Variants in COL4A6 observed in about 807,000 individuals in gnomAD.
COL4A6 encodes the protein collagen alpha-6(IV) chain.
A neutral mutation model predicts 126.7 loss-of-function variants in COL4A6; 59 were observed. The observed-to-expected ratio is 0.47, with a 90% CI of 0.38 to 0.58. The LOEUF is 0.58. Ranked by LOEUF, COL4A6 falls within the 20% of genes least tolerant of loss-of-function variation. The pLI, the probability that COL4A6 is intolerant of heterozygous loss-of-function variation, is 0.00. For missense variants in COL4A6, 1,285 were observed against 1,337.3 expected (o/e 0.96, Z 0.61); for synonymous variants, 547 against 496.6 (o/e 1.10, Z -1.35).
intron 5 of COL4A6, among the ~76,000 whole-genome samples, chrX:108,216,232 G>A (rs943483050): frequency 4.5e-5 from 5 of 111,833 alleles, no homozygotes; most frequent in Admixed American, 9.5e-5. Context: ...GAATTCTCTG[G>A]AAATAAATCT....
At chrX:108,371,571 C>G (rs1399461317) in intron 2 of COL4A6, among the ~76,000 whole-genome samples, 4 of 83,393 alleles carry the variant, frequency 4.8e-5, no homozygotes, top group Admixed American at 1.4e-4. Context: ...TACTCTGTCT[C>G]TATAAAAAAA....
At chrX:108,377,485 CATAA>C (rs1292966506) in intron 2 of COL4A6, among the ~76,000 whole-genome samples, 3 of 107,909 alleles carry the variant, frequency 2.8e-5, no homozygotes, top group African/African-American at 1.0e-4. Context: ...TCTCCAATAA[CATAA>C]ATAATCTTCT....
intron 6 of COL4A6, chrX:108,213,899 C>T (rs2035782395): frequency 2.7e-6 from 1 of 375,791 alleles, no homozygotes; most frequent in African/African-American, 2.7e-5. Context: ...AAAAGGCAAC[C>T]CTAAGCAGTG....
At chrX:108,433,997 G>C (rs1200454406) in intron 2 of COL4A6, among the ~76,000 whole-genome samples, 1 of 111,607 alleles carries the variant, frequency 9.0e-6, no homozygotes, top group African/African-American at 3.3e-5. Context: ...ATTAATAATT[G>C]AGGTCAATCA....
chrX:108,178,264 C>A (rs759877939), intron 27 of COL4A6, among the ~76,000 whole-genome samples: 23 of 112,398 alleles, frequency 2.0e-4, no homozygotes, highest in Non-Finnish European at 3.2e-4. Context: ...GAGGCATGCT[C>A]GCCTGAGAGG....
chrX:108,400,271 C>T (rs1441257075), intron 2 of COL4A6, among the ~76,000 whole-genome samples: 1 of 111,198 alleles, frequency 9.0e-6, no homozygotes, highest in Non-Finnish European at 1.9e-5. Flanking sequence ...CCTCTCTCCT[C>T]GCTCTTTCAG....
intron 2 of COL4A6, among the ~76,000 whole-genome samples, chrX:108,381,829 C>A: frequency 9.0e-6 from 1 of 111,423 alleles, no homozygotes. Context: ...AAATCATATG[C>A]AACTGATGAT....
intron 3 of COL4A6, among the ~76,000 whole-genome samples, chrX:108,234,185 A>C (rs1001200542): frequency 1.1e-4 from 12 of 112,208 alleles, no homozygotes; most frequent in African/African-American, 3.6e-4. Context: ...TACTAGAGAA[A>C]GTAATTGAGA....
chrX:108,368,959 G>T (rs955846183), intron 2 of COL4A6, among the ~76,000 whole-genome samples: 1 of 111,591 alleles, frequency 9.0e-6, no homozygotes, highest in African/African-American at 3.3e-5. Flanking sequence ...GTCAGAGGCT[G>T]TTTTACAGTA....
intron 41 of COL4A6, 26 bp from the exon 42 acceptor site, chrX:108,161,761 G>A (rs2033948086): frequency 9.5e-7 from 1 of 1,054,431 alleles, no homozygotes; most frequent in Non-Finnish European, 1.3e-6. Context: ...CCCAAAGGAG[G>A]GTACTCAATG....
chrX:108,260,205 T>A (rs1378755258), intron 3 of COL4A6, among the ~76,000 whole-genome samples: 1 of 111,353 alleles, frequency 9.0e-6, no homozygotes, highest in Non-Finnish European at 1.9e-5. Flanking sequence ...ATCTATCTAC[T>A]GGTCCATAGC....
chrX:108,234,753 G>T (rs1602885256), intron 3 of COL4A6, among the ~76,000 whole-genome samples: 2 of 111,904 alleles, frequency 1.8e-5, no homozygotes, highest in Middle Eastern at 9.2e-3. Context: ...GATAGAGGAG[G>T]GCTTTTTATT....
chrX:108,169,980 C>T lies in COL4A6; in HGVS notation c.3530G>A (p.Gly1177Glu). The stretch of plus-strand genomic sequence containing the variant: ...ATGGGTACCCTTGGTGCCCGGAAGC[C>T]CATTCAGTCCATGTAAACCAGGAAA... ...PGFPGLHGLN[G>E]LPGTKGTHGT... is the part of the protein sequence containing the mutation. Residue 1177 changes from glycine (G) to glutamate (E), a missense_variant, in exon 36 of 45, where the codon GGG becomes GAG. Transcript: ENST00000334504. 3 of 1,190,338 alleles carry T rather than the reference C, an allele frequency of 2.5e-6. No homozygotes were observed. The highest frequency in any genetic ancestry group is 3.4e-6 in the Non-Finnish European group (3 of 883,296).
intron 2 of COL4A6, among the ~76,000 whole-genome samples, chrX:108,317,860 G>A (rs1278492784): frequency 9.8e-5 from 11 of 111,804 alleles, no homozygotes; most frequent in African/African-American, 1.3e-4. Context: ...GTCAGGTAGC[G>A]TGATGCCTCC....
intron 3 of COL4A6, among the ~76,000 whole-genome samples, chrX:108,299,379 C>A (rs1423668207): frequency 9.0e-6 from 1 of 111,311 alleles, no homozygotes; most frequent in East Asian, 2.8e-4. Flanking sequence ...CTGTTTAGAC[C>A]TGTCTCTTCC....
intron 3 of COL4A6, among the ~76,000 whole-genome samples, chrX:108,257,053 G>A (rs2037026619): frequency 9.0e-6 from 1 of 111,725 alleles, no homozygotes; most frequent in Non-Finnish European, 1.9e-5. Flanking sequence ...CAAAGAACTG[G>A]AAAAGGCAAA....
chrX:108,172,555 T>A (rs755764563), intron 31 of COL4A6, 23 bp from the exon 32 acceptor site: 3 of 1,173,222 alleles, frequency 2.6e-6, no homozygotes, highest in South Asian at 1.9e-5. Flanking sequence ...ATGGGAATCA[T>A]CATTTCTGCC....
chrX:108,418,009 G>A (rs2041466221), intron 2 of COL4A6, among the ~76,000 whole-genome samples: 1 of 112,203 alleles, frequency 8.9e-6, no homozygotes, highest in Non-Finnish European at 1.9e-5. Context: ...CAAAAGGAGT[G>A]TTACCATTTT....
intron 2 of COL4A6, among the ~76,000 whole-genome samples, chrX:108,363,333 C>T (rs1235150159): frequency 2.7e-5 from 3 of 112,058 alleles, no homozygotes; most frequent in Non-Finnish European, 5.6e-5. Context: ...TGGACCTCTT[C>T]AGAGCTTCCT....
Sources: allele counts gnomAD v4.1 joint callset (sites outside exome capture counted in the v4.1 genomes callset), GRCh38; gene constraint gnomAD v4.1.1; transcripts MANE v1.5; gene names NCBI Gene and HGNC (gene_info 2026-07-23, HGNC 2026-07-21).